The following KDM4C variants were observed in gnomAD, a reference collection of about 807,000 sequenced individuals.
KDM4C encodes lysine demethylase 4C.
Under a neutral mutation model 129.3 loss-of-function variants are expected in KDM4C, and 81 were observed. The ratio of observed to expected loss-of-function variants is 0.63; its 90% CI spans 0.52 to 0.75. The LOEUF (loss-of-function observed/expected upper bound fraction) is 0.75, where lower values mean the gene tolerates loss of function less well. Ranked by LOEUF, KDM4C falls within the 30% of genes least tolerant of loss-of-function variation. KDM4C has a pLI of 0.00. For synonymous variants in KDM4C, 573 were observed against 456.1 expected (o/e 1.26, Z -3.26); for missense variants, 1,457 against 1,304.0 (o/e 1.12, Z -1.81).
chr9:6,948,862 G>A (rs1166864829), intron 8 of KDM4C, among the ~76,000 whole-genome samples: 1 of 152,116 alleles, frequency 6.6e-6, no homozygotes, highest in East Asian at 1.9e-4. Flanking sequence ...AGAACAAAAT[G>A]GAGTCTCCTA....
In KDM4C at chr9:7,159,914, C is replaced by T. The variant is rs1843601289; in HGVS notation, c.2782-5324C>T. On this transcript the variant is annotated intron_variant, in intron 19 of 21. Transcript: ENST00000381309. The stretch of plus-strand genomic sequence containing the variant: ...TTGGGGACGTTCTCCTGGATACTAT[C>T]CTGACGAGTGTTTTCCAACTTGGTT... Among the ~76,000 whole-genome samples the T allele has an allele frequency of 2.0e-5, 3 of 152,330 alleles. No individual in the cohort carries two copies. In the South Asian group the frequency reaches 6.2e-4, roughly 32 times the overall value.
rs766582249 is a variant in KDM4C at position 7,174,680 on chromosome 9, G to A, written c.3122G>A (p.Arg1041His). Residue 1041 changes from arginine (R) to histidine (H), a missense_variant, in exon 22 of 22, where the codon CGC becomes CAC. Coordinates refer to ENST00000381309, the MANE Select transcript of KDM4C (RefSeq NM_015061.6). ...KNEYVADPVYRTFLKSSFQKK... is the reference protein window; with the variant it reads ...KNEYVADPVYHTFLKSSFQKK... ...GAATATGTGGCCGACCCTGTATACC[G>A]CACTTTTTTGAAGAGCTCTTTCCAG... 2.4e-5 allele frequency: 38 copies of A among 1,613,916 alleles called. No individual in the cohort carries two copies. The highest frequency in any genetic ancestry group is 1.6e-4 in the East Asian group (7 of 44,892).
rs540639998 is a variant in KDM4C at position 6,827,676 on chromosome 9, T to C, written c.435+12931T>C. On this transcript the variant is annotated intron_variant, in intron 4 of 21. Coordinates refer to ENST00000381309, the MANE Select transcript of KDM4C (RefSeq NM_015061.6). ...TTATCATGTCAGGATATCATTTACTTTGAAATAACAAATCGTTCAAAGCCA... is the reference window on the plus strand; with the variant it reads ...TTATCATGTCAGGATATCATTTACTCTGAAATAACAAATCGTTCAAAGCCA... Among the ~76,000 whole-genome samples, 45 of 152,324 alleles carry C rather than the reference T, an allele frequency of 3.0e-4. No individual in the cohort carries two copies. In the South Asian group the frequency reaches 3.9e-3, roughly 13 times the overall value.
At chr9:7,011,359 C>T (rs1319953064) in intron 12 of KDM4C, among the ~76,000 whole-genome samples, 1 of 152,102 alleles carries the variant, frequency 6.6e-6, no homozygotes, top group African/African-American at 2.4e-5. Context: ...ACACATAAAC[C>T]TGTTTTAGTA....
At chr9:6,725,207 A>G (rs1471337464) in intron 1 of KDM4C, among the ~76,000 whole-genome samples, 1 of 152,020 alleles carries the variant, frequency 6.6e-6, no homozygotes, top group Middle Eastern at 3.2e-3. Context: ...ACAATGTTCC[A>G]CCAGGTAGCA....
chr9:7,132,693 C>T (rs563849100), intron 19 of KDM4C, among the ~76,000 whole-genome samples: 7 of 152,298 alleles, frequency 4.6e-5, no homozygotes, highest in South Asian at 4.1e-4. Context: ...ACTCAATGAG[C>T]ATAAAGATTC....
intron 8 of KDM4C, among the ~76,000 whole-genome samples, chr9:6,895,099 C>G (rs1459388160): frequency 6.6e-6 from 1 of 152,090 alleles, no homozygotes; most frequent in Non-Finnish European, 1.5e-5. Context: ...TTATGGCCAC[C>G]CCTTACTTCC....
chr9:6,802,747 C>T (rs1013096565), intron 2 of KDM4C, among the ~76,000 whole-genome samples: 2 of 152,176 alleles, frequency 1.3e-5, no homozygotes, highest in South Asian at 2.1e-4. Flanking sequence ...GCTTGGACTA[C>T]AGGCATTGAC....
intron 8 of KDM4C, among the ~76,000 whole-genome samples, chr9:6,963,078 T>C (rs970670058): frequency 6.6e-6 from 1 of 152,232 alleles, no homozygotes; most frequent in Non-Finnish European, 1.5e-5. Flanking sequence ...ACTTAATCTT[T>C]CTGTGCATTG....
chr9:7,158,256 A>G (rs982450240), intron 19 of KDM4C, among the ~76,000 whole-genome samples: 6 of 149,970 alleles, frequency 4.0e-5, no homozygotes, highest in African/African-American at 7.4e-5. Context: ...CTTCTTTACT[A>G]TTCTTGCTAG....
chr9:7,084,897 C>G (rs576234000), intron 17 of KDM4C, among the ~76,000 whole-genome samples: 1 of 152,246 alleles, frequency 6.6e-6, no homozygotes, highest in South Asian at 2.1e-4. Context: ...AAGAGAGATA[C>G]GTTAAACAAA....
chr9:6,859,381 A>G (rs1840504259), intron 5 of KDM4C, among the ~76,000 whole-genome samples: 1 of 149,968 alleles, frequency 6.7e-6, no homozygotes, highest in East Asian at 2.0e-4. Context: ...AGGCTGAGGC[A>G]GGAGAATCAC....
chr9:7,029,875 G>A (rs1050476488), intron 15 of KDM4C, among the ~76,000 whole-genome samples: 2 of 152,138 alleles, frequency 1.3e-5, no homozygotes, highest in East Asian at 3.9e-4. Flanking sequence ...TCTGTACATG[G>A]CAGCATTAAG....
At chr9:7,083,425 C>T (rs1011863415) in intron 17 of KDM4C, among the ~76,000 whole-genome samples, 3 of 152,156 alleles carry the variant, frequency 2.0e-5, no homozygotes, top group East Asian at 3.9e-4. Flanking sequence ...TGCATCATTA[C>T]GCAGTTTTGT....
At chr9:6,741,884 A>C (rs1817709498) in intron 1 of KDM4C, among the ~76,000 whole-genome samples, 1 of 118,552 alleles carries the variant, frequency 8.4e-6, no homozygotes, top group African/African-American at 3.8e-5. Flanking sequence ...GCATTTTAAA[A>C]TGTTGTTACA....
At position 6,807,114 on chromosome 9, in the gene KDM4C, C is replaced by T. The variant is rs1021945757; in HGVS notation, c.320+1340C>T. ...TGTGTTGGCCGGGCCGGTCTCCAGC[C>T]CCTAACCGCGAGTGATCCGCCAGCC... On this transcript the variant is annotated intron_variant, in intron 3 of 21. Coordinates refer to ENST00000381309, the MANE Select transcript of KDM4C (RefSeq NM_015061.6). 1.6e-3 allele frequency among the ~76,000 whole-genome samples: 238 copies of T among 152,042 alleles called. 1 individual carries two copies. Among genetic ancestry groups the T allele is most frequent in the Non-Finnish European group, 2.9e-3 (200 of 67,840 alleles).
At chr9:7,021,161 T>C (rs1824778645) in intron 15 of KDM4C, among the ~76,000 whole-genome samples, 1 of 151,752 alleles carries the variant, frequency 6.6e-6, no homozygotes, top group Non-Finnish European at 1.5e-5. Flanking sequence ...TATGTATTTT[T>C]TTTTTTTTGA....
At chr9:6,962,076 A>G (rs1365018006) in intron 8 of KDM4C, among the ~76,000 whole-genome samples, 5 of 152,200 alleles carry the variant, frequency 3.3e-5, no homozygotes, top group African/African-American at 1.2e-4. Flanking sequence ...GGGATACAAG[A>G]GGAGCACCAG....
At chr9:6,963,523 C>A (rs1005973164) in intron 8 of KDM4C, among the ~76,000 whole-genome samples, 1 of 152,086 alleles carries the variant, frequency 6.6e-6, no homozygotes, top group Non-Finnish European at 1.5e-5. Flanking sequence ...AGTCTATGGG[C>A]ATTTAAGGTG....
Sources: gnomAD v4.1 joint callset for allele counts (sites outside exome capture counted in the v4.1 genomes callset) on GRCh38, gnomAD v4.1.1 for gene constraint, MANE v1.5 for transcripts, NCBI Gene and HGNC (gene_info 2026-07-23, HGNC 2026-07-21) for gene names.